C9orf43: variants seen among roughly 807,000 people sequenced by gnomAD.
C9orf43 encodes the protein chromosome 9 open reading frame 43.
A neutral mutation model predicts 59.1 loss-of-function variants in C9orf43; 45 were observed. The ratio of observed to expected loss-of-function variants is 0.76; its 90% confidence interval spans 0.60 to 0.98. The LOEUF (loss-of-function observed/expected upper bound fraction) is 0.98, where lower values mean the gene tolerates loss of function less well. Ranked by LOEUF, C9orf43 falls within the 50% of genes least tolerant of loss-of-function variation. The pLI, the probability that C9orf43 is intolerant of heterozygous loss-of-function variation, is 0.00. For synonymous variants in C9orf43, 203 were observed against 196.8 expected (o/e 1.03, Z -0.26); for missense variants, 533 against 554.9 (o/e 0.96, Z 0.40).
intron 1 of C9orf43, 141 bp from the exon 2 acceptor site, chr9:113,413,304 A>C: frequency 2.8e-6 from 2 of 714,286 alleles, no homozygotes; most frequent in Non-Finnish European, 4.2e-6. Flanking sequence ...CTTGCTTGTT[A>C]TCCAATCTTT....
intron 1 of C9orf43, 44 bp from the exon 2 acceptor site, chr9:113,413,401 C>T: frequency 1.4e-6 from 2 of 1,477,830 alleles, no homozygotes; most frequent in Non-Finnish European, 9.1e-7. Flanking sequence ...GACTGTATGG[C>T]TAATGTATAA....
At chr9:113,423,642 A>G (rs180853644) in intron 7 of C9orf43, 144 bp downstream of exon 7, 4 of 726,386 alleles carry the variant, frequency 5.5e-6, no homozygotes, top group East Asian at 2.7e-5. Context: ...GGACTTACCA[A>G]CAGGCAGGGA....
In C9orf43 at chr9:113,410,819, C is replaced by A; in HGVS notation, c.-232C>A. On this transcript the variant is annotated 5_prime_UTR_variant, in exon 1 of 14. Transcript: ENST00000374165. ...CGCCGCAAGGGGCCACGTTTTACCACTTGATTTAGCAACCCTAAGCGGTTT... is the reference window on the plus strand; with the variant it reads ...CGCCGCAAGGGGCCACGTTTTACCAATTGATTTAGCAACCCTAAGCGGTTT... 4.2e-6 allele frequency: 2 copies of A among 481,652 alleles called. No homozygotes were observed. Among genetic ancestry groups the A allele is most frequent in the Non-Finnish European group, 5.5e-6 (2 of 364,674 alleles). The allele number at this position is 481,652 out of a possible 1,614,324, so 29.8% of individuals were successfully genotyped here.
chr9:113,420,703 C>G, intron 4 of C9orf43: 1 of 941,588 alleles, frequency 1.1e-6, no homozygotes, highest in Non-Finnish European at 1.3e-6. Flanking sequence ...AAACACCTTG[C>G]TTCTGTTTCT....
chr9:113,428,410 T>G (rs1219052012), intron 12 of C9orf43, among the ~76,000 whole-genome samples, 187 bp downstream of exon 12: 1 of 152,200 alleles, frequency 6.6e-6, no homozygotes, highest in East Asian at 1.9e-4. Flanking sequence ...AGTTGCTGGT[T>G]TTCCTTCCTG....
chr9:113,415,242 C>T (rs1013048307), intron 3 of C9orf43, among the ~76,000 whole-genome samples: 3 of 151,994 alleles, frequency 2.0e-5, no homozygotes, highest in Admixed American at 1.3e-4. Flanking sequence ...CTCCTGGGTT[C>T]GAGTGATTCT....
At chr9:113,425,294 GGA>G (rs1298582462) in intron 9 of C9orf43, 48 bp from the exon 10 acceptor site, 1 of 1,609,340 alleles carries the variant, frequency 6.2e-7, no homozygotes, top group East Asian at 2.2e-5. Flanking sequence ...CATTCCAGTG[GGA>G]GAGAGGGGGC....
intron 4 of C9orf43, among the ~76,000 whole-genome samples, chr9:113,420,225 CTG>C (rs1402481240): frequency 2.6e-5 from 4 of 152,090 alleles, no homozygotes; most frequent in African/African-American, 9.7e-5. Context: ...CCCTGAGTAA[CTG>C]AGACTACAGG....
rs1163263053 is a variant in C9orf43, at chr9:113,429,180, T to A, written c.1180T>A (p.Leu394Met). 6.2e-7 allele frequency: 1 copy of A among 1,614,082 alleles called. No homozygotes were observed. The change falls in exon 14 of 14, where the codon TTG becomes ATG. Residue 394 changes from leucine (L) to methionine (M), a missense_variant. Physicochemically the swap from Leu to Met is conservative, Grantham distance 15 (BLOSUM62 2). Transcript: ENST00000374165. ...ACTGCATCTTCTTTTAGGTCCTGAA[T>A]TGTATGAAACAGAACCCACTAACAA... ...DFHHSVKSPE[L>M]YETEPTNKDI...
intron 9 of C9orf43, 42 bp from the exon 10 acceptor site, chr9:113,425,302 G>C: frequency 1.2e-6 from 2 of 1,611,322 alleles, no homozygotes; most frequent in Non-Finnish European, 1.7e-6. Flanking sequence ...TGGGAGAGAG[G>C]GGGCTGTTAG....
chr9:113,410,880 C>A lies in C9orf43; in HGVS notation c.-171C>A. Reference sequence around the variant, plus strand: ...TTGCTCTCACAGGACCTCAGCCCGTCGTGATCAGATTCTCCCACTTTCTTT... The same window carrying A: ...TTGCTCTCACAGGACCTCAGCCCGTAGTGATCAGATTCTCCCACTTTCTTT... On this transcript the variant is annotated 5_prime_UTR_variant, in exon 1 of 14. Coordinates refer to ENST00000374165, the MANE Select transcript of C9orf43 (RefSeq NM_001278629.2). The A allele has an allele frequency of 1.1e-6, 1 of 920,862 alleles. No homozygotes were observed. Among genetic ancestry groups the A allele is most frequent in the Non-Finnish European group, 1.3e-6 (1 of 770,246 alleles). 57.0% of individuals were successfully genotyped at this position (920,862 alleles called of 1,614,324 possible).
At chr9:113,419,027 A>G (rs1160351347) in intron 3 of C9orf43, 81 bp from the exon 4 acceptor site, 14 of 1,132,428 alleles carry the variant, frequency 1.2e-5, no homozygotes, top group Middle Eastern at 2.0e-4. Flanking sequence ...AGATAAGTAG[A>G]AGGATTTCCT....
In C9orf43 at chr9:113,429,221, A is replaced by G. The variant is rs1251718931; in HGVS notation, c.1221A>G (p.Pro407=). The change falls in exon 14 of 14, where the codon CCA becomes CCG. Residue 407 remains proline, a synonymous_variant. Coordinates refer to ENST00000374165, the MANE Select transcript of C9orf43 (RefSeq NM_001278629.2). ...CCACTAACAAGGACATTAGTGCTCC[A>G]GTGGACGCTGTGCCAGAAGCCCAGG... The part of the protein sequence containing the change: ...TEPTNKDISA[P]VDAVPEAQAA... The G allele has an allele frequency of 1.2e-5, 19 of 1,614,064 alleles. No individual in the cohort carries two copies. Among genetic ancestry groups the G allele is most frequent in the Non-Finnish European group, 1.5e-5 (18 of 1,180,048 alleles).
intron 1 of C9orf43, among the ~76,000 whole-genome samples, chr9:113,411,977 C>T (rs1271333220): frequency 8.5e-5 from 13 of 152,164 alleles, no homozygotes; most frequent in South Asian, 8.3e-4. Context: ...GCCCAGCCTC[C>T]CACTGAGAAT....
At chr9:113,424,116 T>C in intron 7 of C9orf43, 50 bp from the exon 8 acceptor site, 2 of 1,535,464 alleles carry the variant, frequency 1.3e-6, no homozygotes, top group South Asian at 1.3e-5. Context: ...CAGCCATGCT[T>C]TCCGGGAAGA....
At position 113,413,591 on chromosome 9, in the gene C9orf43, G is replaced by T; in HGVS notation, c.98G>T (p.Arg33Met). 6.2e-7 allele frequency: 1 copy of T among 1,614,222 alleles called. No homozygotes were observed. Among genetic ancestry groups the T allele is most frequent in the East Asian group, 2.2e-5 (1 of 44,890 alleles). ...QCWATIRRIE[R>M]GHPRILGSSC... ...TGGGCAACTATCCGCCGCATTGAGA[G>T]GGGCCATCCTCGAATCCTCGGCTCA... Residue 33 changes from arginine (R) to methionine (M), a missense_variant, in exon 2 of 14, where the codon AGG (arginine) becomes ATG (methionine). Physicochemically the swap from Arg to Met is moderately conservative, Grantham distance 91. Transcript: ENST00000374165.
At chr9:113,425,185 G>A (rs1402935760) in intron 9 of C9orf43, 109 bp downstream of exon 9, 43 of 1,438,778 alleles carry the variant, frequency 3.0e-5, no homozygotes, top group Non-Finnish European at 4.0e-5. Flanking sequence ...CAGTCATACA[G>A]GGTCACATGT....
Position 113,428,300 on chromosome 9 carries a change from A to G in C9orf43, c.1107+77A>G, listed in dbSNP as rs911270364. ...TATGTAACAACCCCAAAGCTTAACC[A>G]TAATGATTTGCTATTGCTAATGATT... On this transcript the variant is annotated intron_variant, in intron 12 of 13. Transcript: ENST00000374165. 1.1e-5 allele frequency: 14 copies of G among 1,330,562 alleles called. No individual in the cohort carries two copies. The Admixed American group carries it at 1.5e-4, about 14-fold the overall frequency. 82.4% of individuals were successfully genotyped at this position (1,330,562 alleles called of 1,614,324 possible).
chr9:113,415,394 T>C (rs1191081902), intron 3 of C9orf43, among the ~76,000 whole-genome samples: 1 of 152,230 alleles, frequency 6.6e-6, no homozygotes, highest in South Asian at 2.1e-4. Flanking sequence ...AATTGTGTGC[T>C]TAAAAATGGC....
Sources: allele counts gnomAD v4.1 joint callset (sites outside exome capture counted in the v4.1 genomes callset), GRCh38; gene constraint gnomAD v4.1.1; transcripts MANE v1.5; gene names NCBI Gene and HGNC (gene_info 2026-07-23, HGNC 2026-07-21).